The following HAPSTR1 variants were observed in gnomAD, a reference collection of about 807,000 sequenced individuals.
HAPSTR1 encodes HUWE1-associated protein modifying stress responses 1.
the HAPSTR1 span, among the ~76,000 whole-genome samples, chr16:9,101,577 A>G: frequency 1.3e-5 from 2 of 151,984 alleles, no homozygotes; most frequent in Admixed American, 1.3e-4. Flanking sequence ...TTTTTAAGAG[A>G]AAAGATCTGT....
At chr16:9,115,679 G>A in the HAPSTR1 span, among the ~76,000 whole-genome samples, 6 of 152,214 alleles carry the variant, frequency 3.9e-5, no homozygotes, top group East Asian at 9.6e-4. Context: ...ATGGAGTGCA[G>A]TCTCGGTTCT....
At chr16:9,105,177 A>T in the HAPSTR1 span, 1 of 152,222 alleles carries the variant, frequency 6.6e-6, no homozygotes, top group Non-Finnish European at 1.5e-5. Flanking sequence ...AGTTTTAAGC[A>T]ATGATACAGT....
the HAPSTR1 span, among the ~76,000 whole-genome samples, chr16:9,101,220 C>T: frequency 6.6e-6 from 1 of 152,178 alleles, no homozygotes; most frequent in African/African-American, 2.4e-5. Context: ...TTAGGGTTGG[C>T]TCATCTAAAT....
At chr16:9,095,922 G>A in the HAPSTR1 span, among the ~76,000 whole-genome samples, 1 of 152,098 alleles carries the variant, frequency 6.6e-6, no homozygotes, top group African/African-American at 2.4e-5. Flanking sequence ...AGAGGATGGT[G>A]TTTCTTCAAT....
chr16:9,094,727 A>C, the HAPSTR1 span, among the ~76,000 whole-genome samples: 1 of 152,196 alleles, frequency 6.6e-6, no homozygotes, highest in Admixed American at 6.5e-5. Context: ...ATGGTGTGGC[A>C]GTACCATGGT....
the HAPSTR1 span, among the ~76,000 whole-genome samples, chr16:9,098,228 A>C: frequency 5.3e-5 from 8 of 152,138 alleles, no homozygotes; most frequent in African/African-American, 1.9e-4. Flanking sequence ...GCTAACTCGG[A>C]AGGCTGAGGC....
At chr16:9,095,667 C>T in the HAPSTR1 span, among the ~76,000 whole-genome samples, 23,636 of 151,652 alleles carry the variant, frequency 0.16, 2,036 homozygotes, top group Non-Finnish European at 0.19. Context: ...AGCAGAGGGT[C>T]GCTTTTAGTT....
the HAPSTR1 span, chr16:9,092,813 G>C: frequency 2.5e-6 from 3 of 1,203,340 alleles, no homozygotes; most frequent in Non-Finnish European, 3.5e-6. Flanking sequence ...TAATATGGCC[G>C]TTCCGGAGTG....
chr16:9,115,798 A>G, the HAPSTR1 span, among the ~76,000 whole-genome samples: 2 of 152,044 alleles, frequency 1.3e-5, no homozygotes, highest in East Asian at 1.9e-4. Flanking sequence ...ATTTTTTAGT[A>G]GAGACGAGTT....
At chr16:9,094,835 A>G in the HAPSTR1 span, among the ~76,000 whole-genome samples, 54 of 152,230 alleles carry the variant, frequency 3.5e-4, no homozygotes, top group Non-Finnish European at 2.4e-4. Flanking sequence ...TAGGCCGTAT[A>G]AAATGGGATT....
chr16:9,096,827 C>T, the HAPSTR1 span, among the ~76,000 whole-genome samples: 127 of 151,818 alleles, frequency 8.4e-4, 5 homozygotes, highest in East Asian at 0.019. Flanking sequence ...AGTGAGATCC[C>T]GTGTCTTAAA....
the HAPSTR1 span, chr16:9,092,948 C>A: frequency 6.3e-7 from 1 of 1,597,108 alleles, no homozygotes; most frequent in Non-Finnish European, 8.5e-7. Flanking sequence ...CCAGGACTTT[C>A]TCTCTGGGTC....
chr16:9,113,752 T>C, the HAPSTR1 span, among the ~76,000 whole-genome samples: 1 of 152,214 alleles, frequency 6.6e-6, no homozygotes, highest in African/African-American at 2.4e-5. Flanking sequence ...TGTTACAGGC[T>C]GAGACACTAG....
At chr16:9,110,262 G>C in the HAPSTR1 span, 1 of 151,228 alleles carries the variant, frequency 6.6e-6, no homozygotes, top group Non-Finnish European at 1.5e-5. Context: ...TGGATTTGGA[G>C]AAACTGGATG....
the HAPSTR1 span, chr16:9,105,081 C>G: frequency 4.6e-5 from 7 of 152,292 alleles, no homozygotes; most frequent in South Asian, 2.1e-4. Context: ...CCTCTGCCCT[C>G]GAAAAACTGT....
the HAPSTR1 span, chr16:9,104,678 T>A: frequency 6.6e-6 from 1 of 152,226 alleles, no homozygotes; most frequent in African/African-American, 2.4e-5. Context: ...ATGCAGTACT[T>A]TAAGACTGCA....
At chr16:9,116,401 G>C in the HAPSTR1 span, among the ~76,000 whole-genome samples, 2 of 152,250 alleles carry the variant, frequency 1.3e-5, no homozygotes, top group East Asian at 3.9e-4. Flanking sequence ...TGAGATATTT[G>C]TACACCTAGC....
the HAPSTR1 span, chr16:9,102,916 T>C: frequency 6.6e-7 from 1 of 1,513,564 alleles, no homozygotes; most frequent in South Asian, 1.3e-5. Flanking sequence ...GTAAAATGGT[T>C]TTCTTTAGAA....
the HAPSTR1 span, chr16:9,117,162 T>C: frequency 2.0e-6 from 1 of 497,624 alleles, no homozygotes; most frequent in South Asian, 2.6e-5. Flanking sequence ...AAGATCATCA[T>C]AGGCAAACAT....
Sources: gnomAD v4.1 joint callset for allele counts (sites outside exome capture counted in the v4.1 genomes callset) on GRCh38, gnomAD v4.1.1 for gene constraint, MANE v1.5 for transcripts, NCBI Gene and HGNC (gene_info 2026-07-23, HGNC 2026-07-21) for gene names.